Variants in NCR1 observed in about 807,000 individuals in gnomAD.
The protein encoded by NCR1 is NK cell-activating receptor.
Under a neutral mutation model 32.5 loss-of-function variants are expected in NCR1, and 30 were observed. The ratio of observed to expected loss-of-function variants is 0.92; its 90% CI spans 0.69 to 1.25. NCR1 has a LOEUF of 1.25. NCR1 is among the 50% of genes most tolerant of loss of function. The pLI, the probability that NCR1 is intolerant of heterozygous loss-of-function variation, is 0.00. For missense variants in NCR1, 369 were observed against 380.7 expected, an observed-to-expected ratio of 0.97 and a Z score of 0.26; for synonymous variants, 169 against 143.4, an observed-to-expected ratio of 1.18 and a Z score of -1.28.
the NCR1 span, chr19:54,936,455 C>T: frequency 1.3e-6 from 2 of 1,595,598 alleles, no homozygotes; most frequent in African/African-American, 2.7e-5. Flanking sequence ...GAAGAGATTC[C>T]ACTTGGAGTG....
chr19:54,906,725 C>A lies in NCR1; in HGVS notation c.273C>A (p.Arg91=). The change falls in exon 3 of 7, where the codon CGC becomes CGA. Residue 91 remains arginine, a synonymous_variant. Transcript: ENST00000291890. ...TCTACATCCCGGACATGAACTCCCG[C>A]ATGGCAGGGCAATACAGCTGCATCT... ...VQFYIPDMNS[R]MAGQYSCIYR... is the part of the protein sequence containing the mutation. 6.2e-7 allele frequency: 1 copy of A among 1,614,234 alleles called. No individual in the cohort carries two copies. The highest frequency in any genetic ancestry group is 1.1e-5 in the South Asian group (1 of 91,090).
In NCR1 at chr19:54,906,645, A is replaced by G. The variant is rs141527375; in HGVS notation, c.193A>G (p.Ser65Gly). 8 of 1,614,080 alleles carry G rather than the reference A, an allele frequency of 5.0e-6. No homozygotes were observed. The highest frequency in any genetic ancestry group is 3.3e-5 in the Admixed American group (2 of 59,994). Residue 65 changes from serine to glycine, a missense_variant, in exon 3 of 7, where the codon AGC becomes GGC. By Grantham distance (56) the Ser-to-Gly change is moderately conservative. Transcript: ENST00000291890. ...AVEYQLHFEGSLFAVDRPKPP... is the reference protein window; with the variant it reads ...AVEYQLHFEGGLFAVDRPKPP... ...TGAATACCAGCTGCACTTTGAAGGAAGCCTTTTTGCCGTGGACAGACCAAA... is the reference window on the plus strand; with the variant it reads ...TGAATACCAGCTGCACTTTGAAGGAGGCCTTTTTGCCGTGGACAGACCAAA...
the NCR1 span, among the ~76,000 whole-genome samples, chr19:54,935,228 G>A: frequency 5.1e-5 from 1 of 19,574 alleles, no homozygotes; most frequent in Admixed American, 6.6e-4. Flanking sequence ...TTGCAGGGGG[G>A]AAAAAAAAAT....
At chr19:54,932,124 T>C in the NCR1 span, among the ~76,000 whole-genome samples, 1 of 152,132 alleles carries the variant, frequency 6.6e-6, no homozygotes, top group Admixed American at 6.6e-5. Context: ...AGGTGACTGT[T>C]TGTTTAACAA....
the NCR1 span, among the ~76,000 whole-genome samples, chr19:54,928,205 A>G: frequency 1.3e-5 from 2 of 152,120 alleles, no homozygotes; most frequent in Non-Finnish European, 2.9e-5. Context: ...GGGCAATAGA[A>G]TGAGACTCCA....
At chr19:54,902,937 C>T (rs2067326370), upstream of NCR1, among the ~76,000 whole-genome samples, 2 of 151,742 alleles carry the variant, frequency 1.3e-5, no homozygotes, top group South Asian at 4.2e-4. Context: ...CGAGACTAGC[C>T]TGGCCAACAT....
chr19:54,919,184 G>C (rs888239516), downstream of NCR1, among the ~76,000 whole-genome samples: 1 of 151,970 alleles, frequency 6.6e-6, no homozygotes, highest in Non-Finnish European at 1.5e-5. Context: ...CCCTGTGTGC[G>C]GCGACGAGAG....
downstream of NCR1, among the ~76,000 whole-genome samples, chr19:54,919,831 C>T (rs182130545): frequency 1.0e-3 from 153 of 152,098 alleles, no homozygotes; most frequent in Middle Eastern, 6.8e-3. Flanking sequence ...TTCCCAGACG[C>T]TGGCGTCACC....
the NCR1 span, among the ~76,000 whole-genome samples, chr19:54,937,741 T>C: frequency 6.7e-6 from 1 of 150,232 alleles, no homozygotes; most frequent in Non-Finnish European, 1.5e-5. Context: ...GTGCTAAAAG[T>C]ACAAAATTAG....
At chr19:54,905,621 C>T (rs1487007643), upstream of NCR1, among the ~76,000 whole-genome samples, 1 of 152,140 alleles carries the variant, frequency 6.6e-6, no homozygotes, top group East Asian at 1.9e-4. Flanking sequence ...GCAAGAGAAA[C>T]AGGGTCTTCA....
At chr19:54,915,387 T>C, downstream of NCR1, among the ~76,000 whole-genome samples, 1 of 152,100 alleles carries the variant, frequency 6.6e-6, no homozygotes, top group East Asian at 1.9e-4. Flanking sequence ...CCTCACGCCC[T>C]CCCATTATTC....
At chr19:54,899,633 G>T in the NCR1 span, among the ~76,000 whole-genome samples, 1 of 151,996 alleles carries the variant, frequency 6.6e-6, no homozygotes, top group Non-Finnish European at 1.5e-5. Flanking sequence ...TGCCACTAAG[G>T]GTGAAGGAGA....
At chr19:54,935,694 GAAA>G in the NCR1 span, among the ~76,000 whole-genome samples, 1,869 of 106,022 alleles carry the variant, frequency 0.018, 32 homozygotes, top group African/African-American at 0.045. Flanking sequence ...CTGTCTCAAA[GAAA>G]AAAAAAAAAA....
chr19:54,911,706 C>T (rs2067986279), intron 5 of NCR1, among the ~76,000 whole-genome samples: 1 of 152,086 alleles, frequency 6.6e-6, no homozygotes, highest in Admixed American at 6.5e-5. Flanking sequence ...GCTGAGATCA[C>T]ACCACTGTAC....
At chr19:54,899,265 A>G in the NCR1 span, among the ~76,000 whole-genome samples, 1 of 152,318 alleles carries the variant, frequency 6.6e-6, no homozygotes, top group African/African-American at 2.4e-5. Context: ...TATTGGGGTC[A>G]AGCAGCATTG....
chr19:54,922,785 A>G, the NCR1 span, among the ~76,000 whole-genome samples: 4 of 85,902 alleles, frequency 4.7e-5, no homozygotes, highest in East Asian at 3.3e-3. Flanking sequence ...TCTCAAAAAA[A>G]AAAACAAAAA....
At chr19:54,900,220 A>C in the NCR1 span, among the ~76,000 whole-genome samples, 5,022 of 152,236 alleles carry the variant, frequency 0.033, 101 homozygotes, top group African/African-American at 0.055. Flanking sequence ...ACCAAACAGG[A>C]TTTGTGTGAG....
chr19:54,901,875 A>G (rs112866339), upstream of NCR1, among the ~76,000 whole-genome samples: 145,783 of 152,274 alleles, frequency 0.96, 69,871 homozygotes, highest in East Asian at 1. Context: ...AGCTGAGGCA[A>G]GAGAATTGCT....
chr19:54,903,176 T>C (rs984969465), upstream of NCR1, among the ~76,000 whole-genome samples: 2 of 151,556 alleles, frequency 1.3e-5, no homozygotes, highest in Non-Finnish European at 2.9e-5. Flanking sequence ...CTCAAGAAGA[T>C]ACAACTAGTC....
Sources: gnomAD v4.1 joint callset for allele counts (sites outside exome capture counted in the v4.1 genomes callset) on GRCh38, gnomAD v4.1.1 for gene constraint, MANE v1.5 for transcripts, NCBI Gene and HGNC (gene_info 2026-07-23, HGNC 2026-07-21) for gene names.